The following ZNF821 variants were observed in gnomAD, a reference collection of about 807,000 sequenced individuals.
ZNF821 encodes zinc finger protein 821.
Under a neutral mutation model 44.3 loss-of-function variants are expected in ZNF821, and 16 were observed. The ratio of observed to expected loss-of-function variants is 0.36; its 90% CI spans 0.24 to 0.55. ZNF821 has a LOEUF of 0.55. Among genes scored for constraint, ZNF821 ranks in the 20% least tolerant of loss-of-function variants. The pLI is 0.86. For synonymous variants in ZNF821, 204 were observed against 197.6 expected (o/e 1.03, Z -0.27); for missense variants, 436 against 547.6 (o/e 0.80, Z 2.03).
At chr16:71,865,601 G>A (rs1021961737) in intron 4 of ZNF821, among the ~76,000 whole-genome samples, 4 of 152,192 alleles carry the variant, frequency 2.6e-5, no homozygotes, top group Admixed American at 2.0e-4. Flanking sequence ...TTGAAATGAT[G>A]TCACTTTATA....
Position 71,867,836 on chromosome 16 carries a change from C to A in ZNF821, c.166+76G>T. On this transcript the variant is annotated intron_variant, in intron 4 of 7. Coordinates refer to ENST00000425432, the MANE Select transcript of ZNF821 (RefSeq NM_001201552.2). Reference sequence around the variant, plus strand: ...ATGTCTTTCTCCCAACCCCCATGCACAATCCCCAGAGCACACACACTCTGA... The same window carrying A: ...ATGTCTTTCTCCCAACCCCCATGCAAAATCCCCAGAGCACACACACTCTGA... The A allele has an allele frequency of 2.0e-6, 3 of 1,505,890 alleles. No homozygotes were observed. The South Asian group carries it at 3.8e-5, about 19-fold the overall frequency. The allele number at this position is 1,505,890 out of a possible 1,614,324, so 93.3% of individuals were successfully genotyped here.
chr16:71,888,065 C>A (rs1049611217), upstream of ZNF821, among the ~76,000 whole-genome samples: 1 of 151,990 alleles, frequency 6.6e-6, no homozygotes, highest in African/African-American at 2.4e-5. Flanking sequence ...TTTGTAGAGA[C>A]GGGGTCTCAC....
chr16:71,864,789 T>G, intron 5 of ZNF821, 114 bp downstream of exon 5: 1 of 1,328,920 alleles, frequency 7.5e-7, no homozygotes, highest in Non-Finnish European at 1.0e-6. Context: ...AGGCCTCCCA[T>G]GCAGGCCCAG....
intron 1 of ZNF821, chr16:71,894,468 A>G: frequency 5.4e-6 from 1 of 184,240 alleles, no homozygotes; most frequent in Non-Finnish European, 1.1e-5. Flanking sequence ...CTGGTCTCGA[A>G]TTACCGACTT....
upstream of ZNF821, among the ~76,000 whole-genome samples, chr16:71,888,462 TG>T (rs544063908): frequency 2.6e-5 from 4 of 152,036 alleles, no homozygotes; most frequent in South Asian, 6.2e-4. Context: ...GAGGCCGGGG[TG>T]GGGGGCAATT....
chr16:71,877,931 A>C, intron 3 of ZNF821, among the ~76,000 whole-genome samples: 1 of 147,450 alleles, frequency 6.8e-6, no homozygotes, highest in East Asian at 2.0e-4. Context: ...AAAAAAAATT[A>C]TATATATTAT....
At chr16:71,874,703 C>T (rs530824755) in intron 3 of ZNF821, among the ~76,000 whole-genome samples, 5 of 152,280 alleles carry the variant, frequency 3.3e-5, no homozygotes, top group African/African-American at 1.2e-4. Flanking sequence ...ATCTGCCTGC[C>T]TCGGCCTCCA....
rs373754499 is a variant in ZNF821, at chr16:71,862,512, C to T, written c.418-570G>A. Among the ~76,000 whole-genome samples the T allele has an allele frequency of 8.5e-4, 129 of 152,218 alleles. 2 individuals carry two copies. In the South Asian group the frequency reaches 0.022, roughly 26 times the overall value. On this transcript the variant is annotated intron_variant, in intron 6 of 7. Transcript: ENST00000425432. ...AAACAAAACAACAACAACAGTGGGG[C>T]GCCAGAGCCCTCTTCAGAGCCTAAG... is the stretch of plus-strand genomic sequence containing the variant.
At chr16:71,886,756 A>G (rs2036857368), upstream of ZNF821, among the ~76,000 whole-genome samples, 2 of 152,232 alleles carry the variant, frequency 1.3e-5, no homozygotes, top group Non-Finnish European at 2.9e-5. Context: ...CATCACTAGT[A>G]TCTAATTCCG....
chr16:71,876,894 C>G (rs1042865248), intron 3 of ZNF821, among the ~76,000 whole-genome samples: 1 of 151,972 alleles, frequency 6.6e-6, no homozygotes, highest in Non-Finnish European at 1.5e-5. Context: ...CATGAGCCAC[C>G]GAGCTCGGCT....
chr16:71,865,083 T>C (rs368883667), intron 4 of ZNF821, 35 bp from the exon 5 acceptor site: 45 of 1,613,776 alleles, frequency 2.8e-5, no homozygotes, highest in Admixed American at 5.0e-5. Flanking sequence ...GTTCTGATTT[T>C]TGCATGAATA....
At chr16:71,892,164 G>A (rs369903059) in intron 1 of ZNF821, among the ~76,000 whole-genome samples, 567 of 52,280 alleles carry the variant, frequency 0.011, 7 homozygotes, top group African/African-American at 0.035. Context: ...GGCAACAAGA[G>A]AGAAACTCCG....
chr16:71,893,090 C>T (rs2036900277), intron 1 of ZNF821, among the ~76,000 whole-genome samples: 1 of 127,312 alleles, frequency 7.9e-6, no homozygotes, highest in South Asian at 2.8e-4. Context: ...AGTGCAGCGG[C>T]GCCATCTCGG....
intron 1 of ZNF821, among the ~76,000 whole-genome samples, chr16:71,893,532 T>G (rs2036905229): frequency 1.3e-5 from 2 of 151,344 alleles, no homozygotes; most frequent in African/African-American, 4.9e-5. Context: ...CAATCTCACA[T>G]CACTGCAACC....
Position 71,884,070 on chromosome 16 carries a change from G to C in ZNF821, c.-303C>G, listed in dbSNP as rs2036717703. ...AAGGGGCTCCGGGCCGAGCCGAGCC[G>C]GTGGCGGGGAGCCGAGGGGCGGCGC... On this transcript the variant is annotated 5_prime_UTR_variant, in exon 1 of 8. Transcript: ENST00000425432. 6.6e-6 allele frequency: 1 copy of C among 152,132 alleles called. No individual in the cohort carries two copies. Among genetic ancestry groups the C allele is most frequent in the Non-Finnish European group, 1.5e-5 (1 of 68,102 alleles). 9.4% of individuals were successfully genotyped at this position (152,132 alleles called of 1,614,324 possible).
intron 3 of ZNF821, among the ~76,000 whole-genome samples, chr16:71,875,406 T>G (rs1202396646): frequency 6.6e-6 from 1 of 151,832 alleles, no homozygotes; most frequent in African/African-American, 2.4e-5. Flanking sequence ...GTTAGTCTCC[T>G]GAGTAGCTGG....
chr16:71,865,121 T>G, intron 4 of ZNF821, 73 bp from the exon 5 acceptor site: 3 of 1,576,034 alleles, frequency 1.9e-6, no homozygotes, highest in East Asian at 2.2e-5. Context: ...CACCCTAGAG[T>G]TGGCAGTTAC....
intron 4 of ZNF821, among the ~76,000 whole-genome samples, chr16:71,867,193 A>AG (rs996780401): frequency 6.6e-5 from 10 of 152,210 alleles, no homozygotes; most frequent in Non-Finnish European, 1.5e-4. Flanking sequence ...TGGGCCTTCA[A>AG]GCAAGGTTTC....
chr16:71,888,430 A>G (rs912867143), upstream of ZNF821, among the ~76,000 whole-genome samples: 55 of 151,098 alleles, frequency 3.6e-4, no homozygotes, highest in African/African-American at 1.3e-3. Context: ...CTCCATTTTG[A>G]GTTAGTTTTT....
Sources: gnomAD v4.1 joint callset for allele counts (sites outside exome capture counted in the v4.1 genomes callset) on GRCh38, gnomAD v4.1.1 for gene constraint, MANE v1.5 for transcripts, NCBI Gene and HGNC (gene_info 2026-07-23, HGNC 2026-07-21) for gene names.